Variants in DACH1 observed in about 807,000 individuals in gnomAD.
DACH1 encodes dachshund family transcription factor 1, also known as dachshund homolog 1.
In DACH1, 12 loss-of-function variants were observed where a neutral mutation model predicts 54.2. That is an observed-to-expected ratio of 0.22 (90% CI 0.14 to 0.36). DACH1 has a LOEUF of 0.36. Ranked by LOEUF, DACH1 falls within the 10% of genes least tolerant of loss-of-function variation. The pLI is 1.00. For synonymous variants in DACH1, 386 were observed against 366.2 expected (o/e 1.05, Z -0.62); for missense variants, 805 against 929.8 (o/e 0.87, Z 1.75).
At chr13:71,518,916 T>C (rs1185371499) in intron 6 of DACH1, among the ~76,000 whole-genome samples, 1 of 151,876 alleles carries the variant, frequency 6.6e-6, no homozygotes, top group Non-Finnish European at 1.5e-5. Flanking sequence ...AGAAGAATAT[T>C]TGGTGACATC....
At chr13:71,567,596 A>G (rs1182009882) in intron 4 of DACH1, among the ~76,000 whole-genome samples, 1 of 152,044 alleles carries the variant, frequency 6.6e-6, no homozygotes, top group East Asian at 1.9e-4. Context: ...TAATGAGAAG[A>G]AAATAATGTT....
chr13:71,735,997 T>C (rs1423870419), intron 1 of DACH1, among the ~76,000 whole-genome samples: 1 of 152,034 alleles, frequency 6.6e-6, no homozygotes, highest in Non-Finnish European at 1.5e-5. Flanking sequence ...AAAGGTCATA[T>C]AAAATGCATT....
intron 2 of DACH1, among the ~76,000 whole-genome samples, chr13:71,654,593 C>G (rs1758404022): frequency 6.6e-6 from 1 of 151,866 alleles, no homozygotes; most frequent in South Asian, 2.1e-4. Flanking sequence ...AACTACTGTA[C>G]TATAAGTGGG....
intron 8 of DACH1, among the ~76,000 whole-genome samples, chr13:71,476,633 T>C (rs1877545524): frequency 6.6e-6 from 1 of 152,050 alleles, no homozygotes; most frequent in Non-Finnish European, 1.5e-5. Flanking sequence ...TTTAAAAAAA[T>C]AGATAATACA....
chr13:71,455,057 A>T (rs1446858181), intron 10 of DACH1, among the ~76,000 whole-genome samples: 1 of 152,196 alleles, frequency 6.6e-6, no homozygotes, highest in African/African-American at 2.4e-5. Context: ...TCACCAAACC[A>T]AATGCTGCCT....
chr13:71,602,587 G>C (rs1372767186), intron 3 of DACH1, among the ~76,000 whole-genome samples: 1 of 151,946 alleles, frequency 6.6e-6, no homozygotes, highest in Non-Finnish European at 1.5e-5. Context: ...GCAACAAAAA[G>C]ACAGAGCAGA....
intron 10 of DACH1, among the ~76,000 whole-genome samples, chr13:71,473,960 T>G (rs1306517717): frequency 2.0e-5 from 3 of 152,192 alleles, no homozygotes; most frequent in African/African-American, 7.2e-5. Flanking sequence ...CTTTTAATTG[T>G]CATAACCATA....
intron 6 of DACH1, among the ~76,000 whole-genome samples, chr13:71,552,842 TAGAGAGAGAGAGAGAGAGAG>T (rs1167871695): frequency 8.0e-5 from 1 of 12,538 alleles, no homozygotes; most frequent in Admixed American, 1.2e-3. Context: ...TATATATATA[TAGAGAGAGAGAGAGAGAGAG>T]AGAGAGAGAG....
intron 1 of DACH1, among the ~76,000 whole-genome samples, chr13:71,835,578 T>A (rs1460581336): frequency 6.6e-6 from 1 of 152,076 alleles, no homozygotes; most frequent in African/African-American, 2.4e-5. Context: ...TGATCCTTTA[T>A]GTATTGGTGA....
At chr13:71,707,875 G>A (rs1419903397) in intron 1 of DACH1, among the ~76,000 whole-genome samples, 1 of 152,024 alleles carries the variant, frequency 6.6e-6, no homozygotes, top group Non-Finnish European at 1.5e-5. Flanking sequence ...GGGTAAGTGA[G>A]CCATACTCAA....
intron 7 of DACH1, among the ~76,000 whole-genome samples, chr13:71,488,181 G>A (rs1371477894): frequency 6.6e-6 from 1 of 152,138 alleles, no homozygotes; most frequent in Non-Finnish European, 1.5e-5. Flanking sequence ...GAATGTTAGA[G>A]TAAAAGAATT....
chr13:71,448,819 C>T (rs1375365618), intron 10 of DACH1, among the ~76,000 whole-genome samples: 4 of 93,998 alleles, frequency 4.3e-5, no homozygotes, highest in Admixed American at 3.1e-4. Flanking sequence ...GTAACAGATT[C>T]TGTGGTTTTT....
chr13:71,675,154 C>T, intron 2 of DACH1: 1 of 1,579,218 alleles, frequency 6.3e-7, no homozygotes, highest in Non-Finnish European at 8.7e-7. Context: ...CAAGAGTGCG[C>T]CCTCTACTGG....
intron 1 of DACH1, among the ~76,000 whole-genome samples, chr13:71,704,016 C>T (rs780875331): frequency 1.3e-5 from 2 of 152,134 alleles, no homozygotes; most frequent in Non-Finnish European, 2.9e-5. Flanking sequence ...GATAAAAATT[C>T]ACTTTCAAAC....
rs113282873 is a variant in DACH1, at chr13:71,634,034, G to A, written c.965-3317C>T. On this transcript the variant is annotated intron_variant, in intron 2 of 10. Transcript: ENST00000613252. ...GTCACCCAGGCTGGAGTGCAATGGCGTGATCTCTGCTCACTCCAACCTCCG... is the reference window on the plus strand; with the variant it reads ...GTCACCCAGGCTGGAGTGCAATGGCATGATCTCTGCTCACTCCAACCTCCG... Among the ~76,000 whole-genome samples the A allele has an allele frequency of 5.2e-3, 782 of 149,894 alleles. 2 individuals are homozygous for A. Among genetic ancestry groups the A allele is most frequent in the Non-Finnish European group, 8.1e-3 (547 of 67,658 alleles).
intron 1 of DACH1, among the ~76,000 whole-genome samples, chr13:71,816,564 G>A (rs976814759): frequency 2.8e-5 from 4 of 144,644 alleles, no homozygotes; most frequent in African/African-American, 1.0e-4. Flanking sequence ...ATACATATAT[G>A]TGTGTATATA....
chr13:71,736,485 A>G (rs1021071682), intron 1 of DACH1, among the ~76,000 whole-genome samples: 8 of 152,168 alleles, frequency 5.3e-5, no homozygotes, highest in African/African-American at 1.7e-4. Context: ...TACAGATTTT[A>G]AAATATATAT....
chr13:71,850,961 T>C (rs552636002), intron 1 of DACH1, among the ~76,000 whole-genome samples: 1 of 152,356 alleles, frequency 6.6e-6, no homozygotes, highest in South Asian at 2.1e-4. Flanking sequence ...AATCTTTAGC[T>C]ATTGTACTAG....
At chr13:71,656,194 T>A (rs1240360287) in intron 2 of DACH1, among the ~76,000 whole-genome samples, 2 of 152,204 alleles carry the variant, frequency 1.3e-5, no homozygotes, top group Admixed American at 1.3e-4. Flanking sequence ...CTACTTCAGA[T>A]GAGCCTTAAG....
Sources: allele counts gnomAD v4.1 joint callset (sites outside exome capture counted in the v4.1 genomes callset), GRCh38; gene constraint gnomAD v4.1.1; transcripts MANE v1.5; gene names NCBI Gene and HGNC (gene_info 2026-07-23, HGNC 2026-07-21).